The following AHI1 variants were observed in gnomAD, a reference collection of about 807,000 sequenced individuals.
AHI1 encodes the protein jouberin.
AHI1 carries 123 observed loss-of-function variants against 149.3 expected under a neutral mutation model. The ratio of observed to expected loss-of-function variants is 0.82; its 90% CI spans 0.71 to 0.96. The LOEUF (loss-of-function observed/expected upper bound fraction) is 0.96. Ranked by LOEUF, AHI1 falls within the 40% of genes least tolerant of loss-of-function variation. AHI1 has a pLI of 0.00. For missense variants in AHI1, 1,439 were observed against 1,422.7 expected, an observed-to-expected ratio of 1.01 and a Z score of -0.18; for synonymous variants, 475 against 459.8, an observed-to-expected ratio of 1.03 and a Z score of -0.42.
At chr6:135,482,894 C>CTTTGTTTTTTTTTTTTTTTTTTTTT (rs1793901897) in intron 5 of AHI1, among the ~76,000 whole-genome samples, 1 of 55,734 alleles carries the variant, frequency 1.8e-5, no homozygotes, top group Non-Finnish European at 2.8e-5. Context: ...CCATTTAAGG[C>CTTTGTTTTTTTTTTTTTTTTTTTTT]TTTTTTTTTT....
At chr6:135,490,022 G>A (rs1327810910) in intron 5 of AHI1, 1 of 590,550 alleles carries the variant, frequency 1.7e-6, no homozygotes, top group Non-Finnish European at 3.0e-6. Context: ...TATAAAGAGG[G>A]CATAGAGCAT....
In AHI1 at chr6:135,429,944, G is replaced by C. The variant is rs765954155; in HGVS notation, c.2430C>G (p.Pro810=). 3.1e-6 allele frequency: 5 copies of C among 1,589,062 alleles called. No individual in the cohort carries two copies. In the African/African-American group the frequency reaches 4.0e-5, roughly 13 times the overall value. ...GIPISYLEIH[P]NGKRLLIHTK... ...TATGGATTAACAAACGTTTTCCATT[G>C]GGATGAATCTCCAAATAACTTATTG... The change falls in exon 18 of 29, where the codon CCC becomes CCG. Residue 810 remains proline (P), a synonymous_variant. Coordinates refer to ENST00000265602, the MANE Select transcript of AHI1 (RefSeq NM_001134831.2).
intron 22 of AHI1, among the ~76,000 whole-genome samples, chr6:135,398,363 AACACTGT>A (rs1779549567): frequency 1.3e-5 from 2 of 152,136 alleles, no homozygotes; most frequent in African/African-American, 2.4e-5. Flanking sequence ...TTTGGAAGAC[AACACTGT>A]AACTGTTAAA....
At chr6:135,476,925 C>T (rs1792747685) in intron 5 of AHI1, among the ~76,000 whole-genome samples, 1 of 151,974 alleles carries the variant, frequency 6.6e-6, no homozygotes, top group Admixed American at 6.6e-5. Context: ...ACACTTTCTA[C>T]TTTTTATTTG....
chr6:135,482,012 T>G (rs1487792390), intron 5 of AHI1, among the ~76,000 whole-genome samples: 2 of 152,098 alleles, frequency 1.3e-5, no homozygotes, highest in Admixed American at 6.5e-5. Flanking sequence ...ATTTCCAATT[T>G]ATCCTTCATT....
chr6:135,389,664 A>C (rs895308245), intron 23 of AHI1, among the ~76,000 whole-genome samples: 1 of 152,242 alleles, frequency 6.6e-6, no homozygotes, highest in African/African-American at 2.4e-5. Context: ...TCATATTAAT[A>C]AAATGATTCA....
chr6:135,424,251 A>G (rs1193302001), intron 20 of AHI1, among the ~76,000 whole-genome samples: 1 of 152,098 alleles, frequency 6.6e-6, no homozygotes, highest in Non-Finnish European at 1.5e-5. Flanking sequence ...AACAGCCCCT[A>G]TGTCATAAGA....
intron 5 of AHI1, among the ~76,000 whole-genome samples, chr6:135,468,306 A>T (rs940725084): frequency 6.6e-6 from 1 of 152,094 alleles, no homozygotes; most frequent in Admixed American, 6.5e-5. Context: ...AAGGAAAAAA[A>T]CCCCCAGAAA....
intron 5 of AHI1, among the ~76,000 whole-genome samples, chr6:135,482,926 C>A (rs1793928884): frequency 2.1e-4 from 2 of 9,690 alleles, no homozygotes; most frequent in African/African-American, 3.1e-4. Context: ...GAGTCTCACT[C>A]TGTCACCTGA....
At chr6:135,390,075 G>A (rs979350454) in intron 23 of AHI1, among the ~76,000 whole-genome samples, 24 of 151,462 alleles carry the variant, frequency 1.6e-4, no homozygotes, top group South Asian at 8.4e-4. Context: ...TCTTATGTGC[G>A]GCCCAAGACA....
chr6:135,285,501 T>C lies in AHI1; in HGVS notation c.*144A>G, dbSNP rs1452498722. 1.2e-6 allele frequency: 1 copy of C among 868,488 alleles called. No individual in the cohort carries two copies. Among genetic ancestry groups the C allele is most frequent in the African/African-American group, 1.7e-5 (1 of 58,580 alleles). 53.8% of individuals were successfully genotyped at this position (868,488 alleles called of 1,614,324 possible). A position where few individuals can be genotyped will look rare whatever the true frequency, so the allele number is the denominator to read the frequency against. On this transcript the variant is annotated 3_prime_UTR_variant, in exon 29 of 29. Transcript: ENST00000265602. ...ACCCACAACTTGATTCTGATTTTTCTAGAGTCATTCATAAGAACAAGAAGT... is the reference window on the plus strand; with the variant it reads ...ACCCACAACTTGATTCTGATTTTTCCAGAGTCATTCATAAGAACAAGAAGT...
At chr6:135,302,225 T>A in intron 26 of AHI1, 1 of 985,382 alleles carries the variant, frequency 1.0e-6, no homozygotes, top group Non-Finnish European at 1.2e-6. Context: ...TTACCATCAA[T>A]ATAGGTATAT....
intron 27 of AHI1, among the ~76,000 whole-genome samples, chr6:135,296,498 TTC>T (rs1278792726): frequency 2.0e-5 from 3 of 152,206 alleles, no homozygotes; most frequent in African/African-American, 7.2e-5. Context: ...CTCTCCCAGT[TTC>T]TTACTCTACT....
chr6:135,302,154 G>A, intron 26 of AHI1: 1 of 985,258 alleles, frequency 1.0e-6, no homozygotes, highest in Non-Finnish European at 1.2e-6. Flanking sequence ...TCCATGTCCA[G>A]CTATTCTTTA....
intron 20 of AHI1, among the ~76,000 whole-genome samples, chr6:135,419,171 G>A (rs898611091): frequency 2.0e-5 from 3 of 152,076 alleles, no homozygotes; most frequent in Non-Finnish European, 4.4e-5. Flanking sequence ...ATAGAGTGAT[G>A]TGTAGCAGAT....
At chr6:135,474,584 A>C (rs1792299663) in intron 5 of AHI1, 2 of 152,132 alleles carry the variant, frequency 1.3e-5, no homozygotes, top group Non-Finnish European at 2.9e-5. Flanking sequence ...AAATCCCTTG[A>C]GATAACTCAT....
intron 26 of AHI1, chr6:135,301,854 C>G: frequency 1.0e-6 from 1 of 985,428 alleles, no homozygotes; most frequent in Non-Finnish European, 1.2e-6. Flanking sequence ...TCAGACTGCC[C>G]TCATCCAATA....
rs552016562 is a variant in AHI1 at position 135,486,455 on chromosome 6, T to C, written c.135+4168A>G. Among the ~76,000 whole-genome samples the C allele has an allele frequency of 1.1e-4, 17 of 152,336 alleles. No homozygotes were observed. In the South Asian group the frequency reaches 3.1e-3, roughly 28 times the overall value. On this transcript the variant is annotated intron_variant, in intron 5 of 28. Transcript: ENST00000265602. ...TTTTCCTTGTTATTTTTATATTATA[T>C]GGTTTTATTCAATTTATTTGCACTA... is the stretch of plus-strand genomic sequence containing the variant.
At chr6:135,324,071 G>A (rs1260770304) in intron 24 of AHI1, among the ~76,000 whole-genome samples, 1 of 152,190 alleles carries the variant, frequency 6.6e-6, no homozygotes, top group Non-Finnish European at 1.5e-5. Flanking sequence ...TGTAGTCTCA[G>A]CACTTTGGGA....
Sources: gnomAD v4.1 joint callset for allele counts (sites outside exome capture counted in the v4.1 genomes callset) on GRCh38, gnomAD v4.1.1 for gene constraint, MANE v1.5 for transcripts, NCBI Gene and HGNC (gene_info 2026-07-23, HGNC 2026-07-21) for gene names.